Variants in AKT3 observed in about 807,000 individuals in gnomAD.
The protein encoded by AKT3 is RAC-gamma serine/threonine-protein kinase.
AKT3 carries 15 observed loss-of-function variants against 65.3 expected under a neutral mutation model. The ratio of observed to expected loss-of-function variants is 0.23; its 90% CI spans 0.15 to 0.35. AKT3 has a LOEUF of 0.35. Ranked by LOEUF, AKT3 falls within the 10% of genes least tolerant of loss-of-function variation. The pLI is 1.00. For synonymous variants in AKT3, 206 were observed against 183.8 expected (o/e 1.12, Z -0.98); for missense variants, 243 against 576.5 (o/e 0.42, Z 5.92).
chr1:243,653,293 C>G (rs1398340081), intron 4 of AKT3, among the ~76,000 whole-genome samples: 1 of 152,072 alleles, frequency 6.6e-6, no homozygotes, highest in Non-Finnish European at 1.5e-5. Flanking sequence ...AAGACTAAAC[C>G]AAGGAGAAGT....
chr1:243,745,917 C>T (rs1477147813), intron 2 of AKT3, among the ~76,000 whole-genome samples: 2 of 152,118 alleles, frequency 1.3e-5, no homozygotes, highest in Non-Finnish European at 2.9e-5. Context: ...ATCTGCAGTA[C>T]CCGTAGTATT....
intron 2 of AKT3, among the ~76,000 whole-genome samples, chr1:243,807,478 G>C (rs1692817433): frequency 6.6e-6 from 1 of 152,246 alleles, no homozygotes; most frequent in African/African-American, 2.4e-5. Flanking sequence ...CGGCAGCAAG[G>C]CTGAGGGAGG....
intron 2 of AKT3, among the ~76,000 whole-genome samples, chr1:243,772,752 G>A (rs955194700): frequency 3.3e-5 from 5 of 152,046 alleles, no homozygotes; most frequent in African/African-American, 9.7e-5. Flanking sequence ...GTTTATTGAG[G>A]CACTACTCAC....
chr1:243,511,633 G>A (rs1670022334), intron 13 of AKT3, among the ~76,000 whole-genome samples: 1 of 152,172 alleles, frequency 6.6e-6, no homozygotes, highest in African/African-American at 2.4e-5. Context: ...ACATTCTTAA[G>A]TTAATGATGA....
intron 2 of AKT3, among the ~76,000 whole-genome samples, chr1:243,811,197 T>C (rs1572390770): frequency 6.6e-6 from 1 of 152,064 alleles, no homozygotes; most frequent in East Asian, 1.9e-4. Flanking sequence ...GAGAAAGAAA[T>C]AAAGGGTATT....
intron 2 of AKT3, among the ~76,000 whole-genome samples, chr1:243,841,894 G>A (rs917332228): frequency 9.9e-5 from 15 of 152,096 alleles, no homozygotes; most frequent in Admixed American, 2.6e-4. Context: ...ATTATGCTAT[G>A]TAAAAGAAAT....
chr1:243,699,959 C>G (rs1314731371), intron 2 of AKT3, among the ~76,000 whole-genome samples: 1 of 152,112 alleles, frequency 6.6e-6, no homozygotes, highest in Non-Finnish European at 1.5e-5. Flanking sequence ...CAAGAAGAGA[C>G]AACAAGTGGG....
At chr1:243,660,749 C>G (rs1211784604) in intron 4 of AKT3, among the ~76,000 whole-genome samples, 1 of 152,060 alleles carries the variant, frequency 6.6e-6, no homozygotes, top group African/African-American at 2.4e-5. Flanking sequence ...GGTATTCAAT[C>G]AGGAAAAGAG....
intron 2 of AKT3, among the ~76,000 whole-genome samples, chr1:243,714,916 A>G (rs1686407797): frequency 6.6e-6 from 1 of 152,114 alleles, no homozygotes; most frequent in African/African-American, 2.4e-5. Flanking sequence ...TAGGTAAAAT[A>G]TTCTGTGTTT....
At chr1:243,814,231 CTCT>C (rs1693371335) in intron 2 of AKT3, among the ~76,000 whole-genome samples, 1 of 152,100 alleles carries the variant, frequency 6.6e-6, no homozygotes, top group Non-Finnish European at 1.5e-5. Context: ...AAGTAATATT[CTCT>C]TCTTTCCAAT....
In AKT3 at chr1:243,500,794, C is replaced by CAGAG. The variant is rs1433711432; in HGVS notation, c.*4451_*4454dup. 4.4e-6 allele frequency: 1 copy of CAGAG among 229,052 alleles called. No homozygotes were observed. Among genetic ancestry groups the CAGAG allele is most frequent in the Non-Finnish European group, 8.7e-6 (1 of 115,564 alleles). 14.2% of individuals were successfully genotyped at this position (229,052 alleles called of 1,614,324 possible). ...TGGAGGCGGTGGCATGATCTACACA[C>CAGAG]AGAGACCATTTGAATCTCTTGAGCA... On this transcript the variant is annotated 3_prime_UTR_variant, in exon 14 of 14. Transcript: ENST00000673466.
chr1:243,519,764 T>C (rs1670596154), intron 12 of AKT3, among the ~76,000 whole-genome samples: 2 of 152,168 alleles, frequency 1.3e-5, no homozygotes, highest in South Asian at 4.1e-4. Flanking sequence ...CCTTCTGACT[T>C]ATTTTTCCCC....
chr1:243,572,839 C>A (rs1358233132), intron 9 of AKT3, 87 bp downstream of exon 9: 3 of 1,330,378 alleles, frequency 2.3e-6, no homozygotes, highest in African/African-American at 2.9e-5. Flanking sequence ...CTGCTTTTCT[C>A]AAAACTGTAT....
downstream of AKT3, among the ~76,000 whole-genome samples, chr1:243,497,034 G>A (rs564248553): frequency 2.6e-5 from 4 of 152,312 alleles, no homozygotes; most frequent in African/African-American, 9.6e-5. Flanking sequence ...GCAGAAGGAC[G>A]GGAGACACTG....
At chr1:243,649,746 T>C (rs1054321590) in intron 4 of AKT3, among the ~76,000 whole-genome samples, 12 of 152,160 alleles carry the variant, frequency 7.9e-5, no homozygotes, top group Non-Finnish European at 1.5e-4. Flanking sequence ...CATGAACTCA[T>C]CCTTTTTTAT....
chr1:243,689,300 T>C (rs1458436852), intron 3 of AKT3, among the ~76,000 whole-genome samples: 1 of 152,078 alleles, frequency 6.6e-6, no homozygotes, highest in Non-Finnish European at 1.5e-5. Flanking sequence ...TATATTTACA[T>C]AGTCTGTAGT....
chr1:243,509,995 C>A (rs1180096009), intron 13 of AKT3, among the ~76,000 whole-genome samples: 1 of 152,166 alleles, frequency 6.6e-6, no homozygotes, highest in East Asian at 1.9e-4. Context: ...TCACTTTTAG[C>A]TTTCTTAAGT....
intron 4 of AKT3, among the ~76,000 whole-genome samples, chr1:243,659,970 G>T (rs1218452213): frequency 1.3e-5 from 2 of 151,922 alleles, no homozygotes; most frequent in Non-Finnish European, 2.9e-5. Flanking sequence ...GCCAGGCTTT[G>T]GTATCAGGAT....
At chr1:243,682,853 T>A (rs1001241991) in intron 3 of AKT3, among the ~76,000 whole-genome samples, 2 of 152,202 alleles carry the variant, frequency 1.3e-5, no homozygotes, top group African/African-American at 2.4e-5. Context: ...ACAATCTCAA[T>A]GTCCAAAGAA....
Sources: gnomAD v4.1 joint callset for allele counts (sites outside exome capture counted in the v4.1 genomes callset) on GRCh38, gnomAD v4.1.1 for gene constraint, MANE v1.5 for transcripts, NCBI Gene and HGNC (gene_info 2026-07-23, HGNC 2026-07-21) for gene names.